The following TRIO variants were observed in gnomAD, a reference collection of about 807,000 sequenced individuals.
TRIO encodes the protein trio Rho guanine nucleotide exchange factor, also known as triple functional domain protein.
Under a neutral mutation model 351.9 loss-of-function variants are expected in TRIO, and 58 were observed. The ratio of observed to expected loss-of-function variants is 0.16; its 90% confidence interval spans 0.13 to 0.21. The LOEUF (loss-of-function observed/expected upper bound fraction) is 0.21, where lower values mean the gene tolerates loss of function less well. Ranked by LOEUF, TRIO falls within the 10% of genes least tolerant of loss-of-function variation. TRIO has a pLI of 1.00. For missense variants in TRIO, 3,201 were observed against 4,027.8 expected (o/e 0.79, Z 5.56); for synonymous variants, 1,758 against 1,595.7 (o/e 1.10, Z -2.42).
chr5:14,304,341 A>G (rs1007885993), intron 7 of TRIO, 120 bp from the exon 8 acceptor site: 7 of 1,027,404 alleles, frequency 6.8e-6, no homozygotes, highest in African/African-American at 1.6e-5. Flanking sequence ...TGGAGAGTCA[A>G]CCATGTTAAA....
intron 19 of TRIO, among the ~76,000 whole-genome samples, chr5:14,377,035 G>A (rs141493359): frequency 7.9e-5 from 12 of 152,140 alleles, no homozygotes; most frequent in Non-Finnish European, 1.6e-4. Context: ...ATTGTTCATC[G>A]TTTTTCTGTT....
intron 1 of TRIO, among the ~76,000 whole-genome samples, chr5:14,208,016 G>C (rs944460704): frequency 6.6e-6 from 1 of 152,206 alleles, no homozygotes; most frequent in Non-Finnish European, 1.5e-5. Context: ...ACATTGCCAA[G>C]TGTTGATGAG....
rs1301534093 is a variant in TRIO, at chr5:14,394,100, G to A, written c.4281G>A (p.Gln1427=). Residue 1427 remains glutamine, a synonymous_variant, in exon 28 of 57, where the codon CAG becomes CAA. Transcript: ENST00000344204. ...CTTCCTACCTTATTAAACCAGTTCAGCGAATAACGAAGTATCAGCTCCTTT... is the reference window on the plus strand; with the variant it reads ...CTTCCTACCTTATTAAACCAGTTCAACGAATAACGAAGTATCAGCTCCTTT... ...SISSYLIKPV[Q]RITKYQLLLK... 1.2e-6 allele frequency: 2 copies of A among 1,612,786 alleles called. No individual in the cohort carries two copies. The highest frequency in any genetic ancestry group is 8.5e-7 in the Non-Finnish European group (1 of 1,179,262).
chr5:14,388,811 A>G lies in TRIO; in HGVS notation c.3948+132A>G. On this transcript the variant is annotated intron_variant, in intron 24 of 56. Transcript: ENST00000344204. Reference sequence around the variant, plus strand: ...TCTGTCATTTTTTTAAATGTAAAGTATGCTTCAGCAGCCGGTTTCATGTTT... The same window carrying G: ...TCTGTCATTTTTTTAAATGTAAAGTGTGCTTCAGCAGCCGGTTTCATGTTT... The G allele has an allele frequency of 3.8e-6, 4 of 1,044,390 alleles. No homozygotes were observed. The South Asian group carries it at 6.7e-5, about 18-fold the overall frequency. 64.7% of individuals were successfully genotyped at this position (1,044,390 alleles called of 1,614,324 possible). A position where few individuals can be genotyped will look rare whatever the true frequency, so the allele number is the denominator to read the frequency against.
intron 36 of TRIO, among the ~76,000 whole-genome samples, chr5:14,464,709 C>T (rs554577293): frequency 6.6e-6 from 1 of 152,346 alleles, no homozygotes; most frequent in African/African-American, 2.4e-5. Context: ...TGCTGTGAGA[C>T]ACGCATGGCC....
At chr5:14,279,114 T>C (rs1253641126) in intron 2 of TRIO, among the ~76,000 whole-genome samples, 1 of 152,224 alleles carries the variant, frequency 6.6e-6, no homozygotes, top group Non-Finnish European at 1.5e-5. Context: ...TGATTGTTGC[T>C]CCCATATAAT....
chr5:14,308,965 A>G (rs2152299699), intron 8 of TRIO, among the ~76,000 whole-genome samples: 1 of 151,770 alleles, frequency 6.6e-6, no homozygotes, highest in Middle Eastern at 3.5e-3. Flanking sequence ...CCATACACCC[A>G]GTCACCCAAC....
chr5:14,486,913 G>A (rs1001720289), intron 47 of TRIO, among the ~76,000 whole-genome samples: 1 of 152,132 alleles, frequency 6.6e-6, no homozygotes, highest in Non-Finnish European at 1.5e-5. Context: ...TCAAGAGTTT[G>A]TGCATGTTTC....
intron 33 of TRIO, among the ~76,000 whole-genome samples, chr5:14,418,188 G>GTA (rs2152388245): frequency 6.6e-6 from 1 of 152,296 alleles, no homozygotes; most frequent in South Asian, 2.1e-4. Context: ...AAGAGGGATG[G>GTA]TATGGGCTAC....
chr5:14,259,301 AT>A (rs1795208608), intron 1 of TRIO, among the ~76,000 whole-genome samples: 1 of 152,176 alleles, frequency 6.6e-6, no homozygotes, highest in Non-Finnish European at 1.5e-5. Flanking sequence ...TAATAAACAC[AT>A]TTTTAACCAG....
chr5:14,507,331 C>G, intron 56 of TRIO, 71 bp downstream of exon 56: 1 of 1,581,546 alleles, frequency 6.3e-7, no homozygotes, highest in Non-Finnish European at 8.5e-7. Flanking sequence ...CACAGAGCCC[C>G]CTCTGAAGCC....
At chr5:14,457,791 A>G (rs1179042324) in intron 34 of TRIO, among the ~76,000 whole-genome samples, 1 of 151,982 alleles carries the variant, frequency 6.6e-6, no homozygotes, top group East Asian at 1.9e-4. Flanking sequence ...TTCCGAGAGC[A>G]CGCCTGCTTC....
At chr5:14,145,871 C>T (rs1787494457) in intron 1 of TRIO, among the ~76,000 whole-genome samples, 1 of 152,184 alleles carries the variant, frequency 6.6e-6, no homozygotes, top group African/African-American at 2.4e-5. Flanking sequence ...CTGTGCTGCC[C>T]CCGCCGCCAG....
At chr5:14,390,402 C>T in intron 26 of TRIO, 102 bp downstream of exon 26, 1 of 1,039,414 alleles carries the variant, frequency 9.6e-7, no homozygotes, top group Non-Finnish European at 1.4e-6. Flanking sequence ...ATCTTCTGCT[C>T]ATATCCATGC....
intron 8 of TRIO, among the ~76,000 whole-genome samples, chr5:14,304,842 C>T: frequency 6.6e-6 from 1 of 152,176 alleles, no homozygotes; most frequent in Middle Eastern, 3.2e-3. Context: ...CTGCTACAGT[C>T]AAGGAAAACC....
intron 1 of TRIO, among the ~76,000 whole-genome samples, chr5:14,238,511 A>G (rs1030446808): frequency 2.0e-5 from 3 of 152,134 alleles, no homozygotes. Flanking sequence ...CCCGTGCACC[A>G]CCTGTCATGG....
At chr5:14,305,319 T>G (rs1200513258) in intron 8 of TRIO, among the ~76,000 whole-genome samples, 1 of 152,240 alleles carries the variant, frequency 6.6e-6, no homozygotes, top group Non-Finnish European at 1.5e-5. Context: ...TTAGATGGGT[T>G]GACGAGTACC....
intron 1 of TRIO, among the ~76,000 whole-genome samples, chr5:14,195,206 T>C (rs1157496929): frequency 6.6e-6 from 1 of 152,222 alleles, no homozygotes; most frequent in East Asian, 1.9e-4. Context: ...CCCTCTTTAG[T>C]CTTTTTTAGT....
intron 1 of TRIO, among the ~76,000 whole-genome samples, chr5:14,144,620 G>T (rs75288328): frequency 0.14 from 21,688 of 151,978 alleles, 1,789 homozygotes; most frequent in African/African-American, 0.22. Flanking sequence ...GCGGGGCACT[G>T]TGTGGGTGGC....
Sources: allele counts gnomAD v4.1 joint callset (sites outside exome capture counted in the v4.1 genomes callset), GRCh38; gene constraint gnomAD v4.1.1; transcripts MANE v1.5; gene names NCBI Gene and HGNC (gene_info 2026-07-23, HGNC 2026-07-21).